Variants in NWD1 observed in about 807,000 individuals in gnomAD.
NWD1 encodes the protein NACHT and WD repeat domain containing 1.
In NWD1, 129 loss-of-function variants were observed where a neutral mutation model predicts 135.1. The ratio of observed to expected loss-of-function variants is 0.96; its 90% CI spans 0.83 to 1.11. The LOEUF is 1.11. Ranked by LOEUF, NWD1 falls within the 50% of genes least tolerant of loss-of-function variation. The probability of loss-of-function intolerance (pLI) is 0.00; values close to 1 mark genes in which losing one functional copy is unlikely to be tolerated. For synonymous variants in NWD1, 773 were observed against 786.0 expected (o/e 0.98, Z 0.28); for missense variants, 1,740 against 1,851.3 (o/e 0.94, Z 1.10).
chr19:16,752,526 T>TGCATGCCTATAGACCTA (rs147804464), intron 6 of NWD1, among the ~76,000 whole-genome samples: 31,609 of 151,782 alleles, frequency 0.21, 6,480 homozygotes, highest in African/African-American at 0.53. Context: ...AGCATGGTGG[T>TGCATGCCTATAGACCTA]GCTACTCCGG....
chr19:16,762,001 G>A lies in NWD1; in HGVS notation c.1996G>A (p.Glu666Lys). The change falls in exon 8 of 19, where the codon GAG becomes AAG. Residue 666 changes from glutamate to lysine, a missense_variant. By Grantham distance (56) the Glu-to-Lys change is moderately conservative. Coordinates refer to ENST00000524140, the MANE Select transcript of NWD1 (RefSeq NM_001007525.5). ...TAGACAGCTGGTCGAGGTGGTCCGT[G>A]AGCGCTACCTGTCAGGATCCGAGAG... is the stretch of plus-strand genomic sequence containing the variant. The part of the protein sequence containing the change: ...AHRQLVEVVR[E>K]RYLSGSERAK... The A allele has an allele frequency of 2.5e-6, 4 of 1,614,034 alleles. No individual in the cohort carries two copies. Among genetic ancestry groups the A allele is most frequent in the Non-Finnish European group, 3.4e-6 (4 of 1,179,978 alleles).
chr19:16,815,519 C>T lies in NWD1; in HGVS notation c.*480C>T. On this transcript the variant is annotated 3_prime_UTR_variant, in exon 19 of 19. Transcript: ENST00000524140. ...CCTCTTTTTCATTTTCATTCTCAGA[C>T]TTGCCACCCCCAGGTTAGCAACATG... 3.6e-6 allele frequency: 2 copies of T among 551,898 alleles called. No individual in the cohort carries two copies. Among genetic ancestry groups the T allele is most frequent in the South Asian group, 4.6e-5 (2 of 43,476 alleles). 34.2% of individuals were successfully genotyped at this position (551,898 alleles called of 1,614,324 possible).
intron 4 of NWD1, 49 bp from the exon 5 acceptor site, chr19:16,744,372 G>A: frequency 6.6e-7 from 1 of 1,507,012 alleles, no homozygotes; most frequent in Non-Finnish European, 8.9e-7. Context: ...GCAAGACCTT[G>A]TCTGAAGAAA....
At chr19:16,738,158 T>A in intron 4 of NWD1, 1 of 435,390 alleles carries the variant, frequency 2.3e-6, no homozygotes, top group South Asian at 1.6e-5. Flanking sequence ...AATGGCAGAG[T>A]TTAGTCGTTC....
intron 5 of NWD1, among the ~76,000 whole-genome samples, chr19:16,748,128 C>T (rs755870000): frequency 4.6e-5 from 7 of 152,032 alleles, no homozygotes; most frequent in Non-Finnish European, 8.8e-5. Context: ...GGATTACAGG[C>T]GTGCGGCATC....
intron 5 of NWD1, among the ~76,000 whole-genome samples, chr19:16,745,774 A>G (rs2122780082): frequency 6.6e-6 from 1 of 151,720 alleles, no homozygotes; most frequent in South Asian, 2.1e-4. Flanking sequence ...AAAATTAGCT[A>G]GGTATAGTGG....
chr19:16,763,891 C>T lies in NWD1; in HGVS notation c.2197C>T (p.Pro733Ser). ...AAACCTGCGGAAGCTGAAGGAGTTG[C>T]CCTATCACCTGCTTCACTCGGGCCG... ...VANLRKLKEL[P>S]YHLLHSGRLE... is the part of the protein sequence containing the mutation. Residue 733 changes from proline (P) to serine (S), a missense_variant, in exon 9 of 19, where the codon CCC becomes TCC. By Grantham distance (74) the Pro-to-Ser change is moderately conservative. Transcript: ENST00000524140. 6.2e-7 allele frequency: 1 copy of T among 1,613,934 alleles called. No homozygotes were observed. The highest frequency in any genetic ancestry group is 8.5e-7 in the Non-Finnish European group (1 of 1,179,858).
At chr19:16,799,783 C>T in intron 16 of NWD1, 103 bp from the exon 17 acceptor site, 2 of 1,067,436 alleles carry the variant, frequency 1.9e-6, no homozygotes, top group South Asian at 1.6e-5. Flanking sequence ...GTTGGGATTA[C>T]AGGCGTGAGC....
At position 16,749,630 on chromosome 19, in the gene NWD1, G is replaced by A; in HGVS notation, c.988G>A (p.Asp330Asn). The A allele has an allele frequency of 6.2e-7, 1 of 1,610,406 alleles. No individual in the cohort carries two copies. Among genetic ancestry groups the A allele is most frequent in the Non-Finnish European group, 8.5e-7 (1 of 1,177,392 alleles). The part of the protein sequence containing the change: ...ARLGQQLRHD[D>N]SKQHTPLVLF... ...GCTTGGGCAGCAGCTCAGGCACGAT[G>A]ACAGCAAGCAGCACACCCCCCTGGT... is the stretch of plus-strand genomic sequence containing the variant. The change falls in exon 6 of 19, where the codon GAC becomes AAC. Residue 330 changes from aspartate to asparagine, a missense_variant. Asp to Asn is a conservative substitution (Grantham distance 23). Coordinates refer to ENST00000524140, the MANE Select transcript of NWD1 (RefSeq NM_001007525.5).
At chr19:16,778,813 G>A (rs928533186) in intron 11 of NWD1, among the ~76,000 whole-genome samples, 1 of 152,166 alleles carries the variant, frequency 6.6e-6, no homozygotes, top group African/African-American at 2.4e-5. Context: ...GTGCTGGGTG[G>A]CATGAGCCAC....
In NWD1 at chr19:16,726,691, G is replaced by C. The variant is rs192947394; in HGVS notation, c.-7+2228G>C. Among the ~76,000 whole-genome samples the C allele has an allele frequency of 1.9e-3, 289 of 152,182 alleles. 2 individuals carry two copies. Among genetic ancestry groups the C allele is most frequent in the African/African-American group, 6.5e-3 (268 of 41,522 alleles). On this transcript the variant is annotated intron_variant, in intron 2 of 18. Transcript: ENST00000524140. ...TAACCTCAAGTGATCCACCCACCTC[G>C]GCCTCCCAAAGTGCTGGGATTATAG...
chr19:16,762,787 CT>C (rs1176892603), intron 8 of NWD1, among the ~76,000 whole-genome samples: 4 of 150,962 alleles, frequency 2.6e-5, no homozygotes, highest in African/African-American at 9.8e-5. Flanking sequence ...CCCTCGCTTC[CT>C]TCCTTCCTTC....
In NWD1 at chr19:16,792,775, G is replaced by A. The variant is rs1970290395; in HGVS notation, c.3213+1153G>A. Reference sequence around the variant, plus strand: ...GCCTGTGATCCCTGCTACTAGGGAGGCTGAGGCAGGAGAATCACTTGAACC... The same window carrying A: ...GCCTGTGATCCCTGCTACTAGGGAGACTGAGGCAGGAGAATCACTTGAACC... On this transcript the variant is annotated intron_variant, in intron 14 of 18. Coordinates refer to ENST00000524140, the MANE Select transcript of NWD1 (RefSeq NM_001007525.5). 2.6e-5 allele frequency among the ~76,000 whole-genome samples: 4 copies of A among 151,828 alleles called. No individual in the cohort carries two copies. The South Asian group carries it at 8.3e-4, about 32-fold the overall frequency.
At chr19:16,769,225 G>C (rs753424516) in intron 10 of NWD1, among the ~76,000 whole-genome samples, 8 of 152,156 alleles carry the variant, frequency 5.3e-5, no homozygotes, top group Non-Finnish European at 1.0e-4. Flanking sequence ...ACTTCGGGAG[G>C]CTGAGGCAGG....
At position 16,773,256 on chromosome 19, in the gene NWD1, G is replaced by A; in HGVS notation, c.2541G>A (p.Val847=). 6.2e-7 allele frequency: 1 copy of A among 1,613,630 alleles called. No individual in the cohort carries two copies. Among genetic ancestry groups the A allele is most frequent in the African/African-American group, 1.3e-5 (1 of 75,060 alleles). Residue 847 remains valine, a synonymous_variant, in exon 11 of 19, where the codon GTG becomes GTA. Transcript: ENST00000524140. ...WFQLCAHPVL[V]PLGGFLQPPG... is the part of the protein sequence containing the mutation. Reference sequence around the variant, plus strand: ...AGTTGTGCGCACACCCTGTGCTGGTGCCCCTCGGAGGATTCCTCCAGCCCC... The same window carrying A: ...AGTTGTGCGCACACCCTGTGCTGGTACCCCTCGGAGGATTCCTCCAGCCCC...
intron 6 of NWD1, among the ~76,000 whole-genome samples, chr19:16,757,475 TA>T (rs1301591646): frequency 6.6e-6 from 1 of 152,192 alleles, no homozygotes; most frequent in African/African-American, 2.4e-5. Flanking sequence ...ATTTTCTTCT[TA>T]GCCCTCAACA....
chr19:16,779,332 T>A lies in NWD1; in HGVS notation c.2609-11T>A, dbSNP rs753230216. ...ACTGAGATCATTGCTGTTGCCTCTGTGTGGCTGCAGGCATCACCGCCATGG... is the reference window on the plus strand; with the variant it reads ...ACTGAGATCATTGCTGTTGCCTCTGAGTGGCTGCAGGCATCACCGCCATGG... On this transcript the variant is annotated splice_polypyrimidine_tract_variant and intron_variant, in intron 11 of 18. Coordinates refer to ENST00000524140, the MANE Select transcript of NWD1 (RefSeq NM_001007525.5). 3 of 1,613,746 alleles carry A rather than the reference T, an allele frequency of 1.9e-6. No homozygotes were observed. The Admixed American group carries it at 5.0e-5, about 27-fold the overall frequency.
rs188159141 is a variant in NWD1 at position 16,788,859 on chromosome 19, A to G, written c.2732-123A>G. The G allele has an allele frequency of 2.1e-4, 150 of 730,590 alleles. No individual in the cohort carries two copies. The highest frequency in any genetic ancestry group is 4.0e-4 in the Middle Eastern group (1 of 2,502). The allele number at this position is 730,590 out of a possible 1,614,324, so 45.3% of individuals were successfully genotyped here. A position where few individuals can be genotyped will look rare whatever the true frequency, so the allele number is the denominator to read the frequency against. The stretch of plus-strand genomic sequence containing the variant: ...CATTTTTATTCTGATGACTTTCACA[A>G]TTCAATTCCATCCATCTTTTCTTTG... On this transcript the variant is annotated intron_variant, in intron 12 of 18. Coordinates refer to ENST00000524140, the MANE Select transcript of NWD1 (RefSeq NM_001007525.5).
At position 16,790,188 on chromosome 19, in the gene NWD1, CTTTA is replaced by C. The variant is rs1048637535; in HGVS notation, c.2940+1003_2940+1006del. On this transcript the variant is annotated intron_variant, in intron 13 of 18. Transcript: ENST00000524140. ...AATTGATGCCAGGAGGAAAAAAAATCTTTATTTAACTACCAGTTGAGTTTCTTGG... is the reference window on the plus strand; with the variant it reads ...AATTGATGCCAGGAGGAAAAAAAATCTTTAACTACCAGTTGAGTTTCTTGG... Among the ~76,000 whole-genome samples the C allele has an allele frequency of 8.5e-5, 13 of 152,172 alleles. 1 individual carries two copies. Among genetic ancestry groups the C allele is most frequent in the Admixed American group, 8.5e-4 (13 of 15,252 alleles).
Sources: allele counts gnomAD v4.1 joint callset (sites outside exome capture counted in the v4.1 genomes callset), GRCh38; gene constraint gnomAD v4.1.1; transcripts MANE v1.5; gene names NCBI Gene and HGNC (gene_info 2026-07-23, HGNC 2026-07-21).